The following TSACC variants were observed in gnomAD, a reference collection of about 807,000 sequenced individuals.
TSACC encodes TSSK6-activating co-chaperone protein.
A neutral mutation model predicts 6.9 loss-of-function variants in TSACC; 3 were observed. That is an observed-to-expected ratio of 0.43 (90% CI 0.20 to 1.12). The LOEUF (loss-of-function observed/expected upper bound fraction) is 1.12. Ranked by LOEUF, TSACC falls within the 50% of genes most tolerant of loss-of-function variation. The probability of loss-of-function intolerance (pLI) is 0.28; values close to 1 mark genes in which losing one functional copy is unlikely to be tolerated. For synonymous variants in TSACC, 54 were observed against 55.1 expected (o/e 0.98, Z 0.09); for missense variants, 137 against 143.9 (o/e 0.95, Z 0.24).
At chr1:156,346,576 T>C (rs1041280666) in intron 3 of TSACC, among the ~76,000 whole-genome samples, 192 bp from the exon 4 acceptor site, 4 of 152,176 alleles carry the variant, frequency 2.6e-5, no homozygotes, top group Non-Finnish European at 4.4e-5. Flanking sequence ...GTTCCAGTGA[T>C]TGATTTCAAA....
chr1:156,339,986 G>A (rs567182802), intron 2 of TSACC, among the ~76,000 whole-genome samples, 195 bp downstream of exon 2: 1 of 152,308 alleles, frequency 6.6e-6, no homozygotes, highest in South Asian at 2.1e-4. Flanking sequence ...ACAAGACTAT[G>A]TACAGGATCT....
intron 2 of TSACC, among the ~76,000 whole-genome samples, chr1:156,341,694 AAAAC>A (rs2101706511): frequency 1.3e-5 from 2 of 152,282 alleles, no homozygotes; most frequent in South Asian, 4.1e-4. Flanking sequence ...CTTTAATTAA[AAAAC>A]AATTTTTAAT....
At chr1:156,338,433 AAGGCACTGGGAGGGCAC>A, upstream of TSACC, 1 of 575,562 alleles carries the variant, frequency 1.7e-6, no homozygotes, top group Non-Finnish European at 3.1e-6. Flanking sequence ...GCGCACGACG[AAGGCACTGGGAGGGCAC>A]AGGCGCTTGC....
intron 2 of TSACC, among the ~76,000 whole-genome samples, chr1:156,340,400 C>G (rs541308622): frequency 5.4e-4 from 82 of 152,070 alleles, no homozygotes; most frequent in African/African-American, 1.9e-3. Context: ...ACCTTGTGAT[C>G]CAACTGCCTT....
chr1:156,338,494 G>A (rs1665574977), upstream of TSACC: 2 of 518,328 alleles, frequency 3.9e-6, no homozygotes, highest in African/African-American at 1.9e-5. Flanking sequence ...CGCGTGCAGC[G>A]CGAACGTCGG....
upstream of TSACC, chr1:156,338,136 G>A (rs1050683681): frequency 3.2e-6 from 5 of 1,580,184 alleles, no homozygotes; most frequent in African/African-American, 2.7e-5. Flanking sequence ...TCCATTTCCT[G>A]GCATCCCCAG....
chr1:156,344,990 G>C (rs1384517409), intron 3 of TSACC, among the ~76,000 whole-genome samples: 1 of 152,160 alleles, frequency 6.6e-6, no homozygotes, highest in African/African-American at 2.4e-5. Context: ...AAGATGGCCA[G>C]GTTTACCCCT....
At chr1:156,343,648 G>A (rs1324921995) in intron 2 of TSACC, among the ~76,000 whole-genome samples, 1 of 152,152 alleles carries the variant, frequency 6.6e-6, no homozygotes, top group Non-Finnish European at 1.5e-5. Context: ...ACCATGATTG[G>A]CCTGTATTGG....
chr1:156,337,514 GA>G (rs763483004), upstream of TSACC: 9 of 168,324 alleles, frequency 5.3e-5, no homozygotes, highest in Non-Finnish European at 1.2e-4. Flanking sequence ...CAACGCCGGG[GA>G]CACGGAGGGA....
At chr1:156,346,713 T>C in intron 3 of TSACC, 55 bp from the exon 4 acceptor site, 1 of 1,566,672 alleles carries the variant, frequency 6.4e-7, no homozygotes, top group Non-Finnish European at 8.8e-7. Context: ...CTCAGTACAA[T>C]TACCAAATCT....
intron 2 of TSACC, 25 bp downstream of exon 2, chr1:156,339,816 C>T (rs1301921874): frequency 4.3e-6 from 7 of 1,613,144 alleles, no homozygotes; most frequent in Non-Finnish European, 5.9e-6. Context: ...CCCTGCTTCC[C>T]CTCCCTTAAA....
chr1:156,342,578 G>C (rs942125300), intron 2 of TSACC, among the ~76,000 whole-genome samples: 3 of 152,214 alleles, frequency 2.0e-5, no homozygotes, highest in African/African-American at 7.2e-5. Context: ...CCCCAGGCTT[G>C]TTTTTTATGA....
rs1185495933 is a variant in TSACC, at chr1:156,344,512, T to A, written c.35-68T>A. The A allele has an allele frequency of 1.9e-6, 3 of 1,573,002 alleles. No homozygotes were observed. In the Admixed American group the frequency reaches 5.3e-5, roughly 28 times the overall value. ...TGGGCACCTGCTTTCATGGACCAGG[T>A]GCAGGGATCTAATTAGAAAGGCTGT... On this transcript the variant is annotated intron_variant, in intron 2 of 3. Coordinates refer to ENST00000368254, the MANE Select transcript of TSACC (RefSeq NM_001304817.2).
chr1:156,344,450 G>C (rs1204861532), intron 2 of TSACC, 130 bp from the exon 3 acceptor site: 1 of 1,321,580 alleles, frequency 7.6e-7, no homozygotes, highest in African/African-American at 1.5e-5. Context: ...TTTGTCTTAT[G>C]TATCTTTCTG....
chr1:156,343,042 G>C (rs1043300853), intron 2 of TSACC, among the ~76,000 whole-genome samples: 23 of 152,018 alleles, frequency 1.5e-4, no homozygotes, highest in Admixed American at 1.2e-3. Flanking sequence ...TTCTCTCTCT[G>C]TTTTTTGCCT....
chr1:156,342,658 C>T (rs867843998), intron 2 of TSACC, among the ~76,000 whole-genome samples: 1 of 152,248 alleles, frequency 6.6e-6, no homozygotes, highest in Non-Finnish European at 1.5e-5. Flanking sequence ...TCCAGCTCTA[C>T]AGACTAGGTC....
chr1:156,340,102 C>A lies in TSACC; in HGVS notation c.34+311C>A, dbSNP rs551116769. Among the ~76,000 whole-genome samples, 30 of 152,316 alleles carry A rather than the reference C, an allele frequency of 2.0e-4. No individual in the cohort carries two copies. The Middle Eastern group carries it at 0.02, about 104-fold the overall frequency. ...GAGGCCTTCTGACTCCAGAGCCTAT[C>A]CACTTAACTTTAGCTGGATCAGATT... On this transcript the variant is annotated intron_variant, in intron 2 of 3. Transcript: ENST00000368254.
intron 2 of TSACC, among the ~76,000 whole-genome samples, chr1:156,341,298 T>C (rs1345554953): frequency 1.3e-5 from 2 of 152,238 alleles, no homozygotes; most frequent in Non-Finnish European, 2.9e-5. Flanking sequence ...GCAAATTTCA[T>C]GACTTAAGTT....
intron 2 of TSACC, 135 bp from the exon 3 acceptor site, chr1:156,344,445 C>G: frequency 1.2e-5 from 16 of 1,298,758 alleles, no homozygotes; most frequent in Non-Finnish European, 1.7e-5. Context: ...TCTTTTTTGT[C>G]TTATGTATCT....
Sources: gnomAD v4.1 joint callset for allele counts (sites outside exome capture counted in the v4.1 genomes callset) on GRCh38, gnomAD v4.1.1 for gene constraint, MANE v1.5 for transcripts, NCBI Gene and HGNC (gene_info 2026-07-23, HGNC 2026-07-21) for gene names.